The following MAP3K5 variants were observed in gnomAD, a reference collection of about 807,000 sequenced individuals.
MAP3K5 encodes the protein mitogen-activated protein kinase kinase kinase 5.
In MAP3K5, 56 loss-of-function variants were observed where a neutral mutation model predicts 158.7. The observed-to-expected ratio is 0.35, with a 90% confidence interval of 0.28 to 0.44. The LOEUF is 0.44. MAP3K5 is among the 20% of genes least tolerant of loss of function. The pLI, the probability that MAP3K5 is intolerant of heterozygous loss-of-function variation, is 1.00. For missense variants in MAP3K5, 1,294 were observed against 1,674.8 expected (o/e 0.77, Z 3.97); for synonymous variants, 579 against 601.7 (o/e 0.96, Z 0.55).
intron 1 of MAP3K5, among the ~76,000 whole-genome samples, chr6:136,734,132 G>A (rs1359122802): frequency 6.6e-6 from 1 of 152,072 alleles, no homozygotes; most frequent in Non-Finnish European, 1.5e-5. Flanking sequence ...AAATAGAAAT[G>A]GGGGCTGGGT....
chr6:136,692,331 C>A (rs1323582528), intron 7 of MAP3K5, among the ~76,000 whole-genome samples: 1 of 152,088 alleles, frequency 6.6e-6, no homozygotes, highest in Non-Finnish European at 1.5e-5. Flanking sequence ...ATTGGTGGTT[C>A]ACCTTGTTCA....
chr6:136,712,299 C>T (rs539673478), intron 2 of MAP3K5, among the ~76,000 whole-genome samples: 5 of 151,634 alleles, frequency 3.3e-5, no homozygotes, highest in Admixed American at 2.6e-4. Flanking sequence ...TCTCCTACCT[C>T]AGCCTCCTAA....
Position 136,605,289 on chromosome 6 carries a change from G to A in MAP3K5, c.2599C>T (p.Leu867=), listed in dbSNP as rs757683281. ...GYGKAADIWS[L]GCTIIEMATG... ...GCCATTTCAATGATTGTACAGCCCA[G>A]AGACCAGATGTCTGCTGCTTTTCCG... The change falls in exon 19 of 30, where the codon CTG becomes TTG. Residue 867 remains leucine, a synonymous_variant. Transcript: ENST00000359015. 1.1e-5 allele frequency: 18 copies of A among 1,613,952 alleles called. No homozygotes were observed. In the East Asian group the frequency reaches 3.3e-4, roughly 30 times the overall value.
intron 5 of MAP3K5, 62 bp from the exon 6 acceptor site, chr6:136,696,119 G>A (rs948669379): frequency 1.5e-5 from 14 of 954,762 alleles, no homozygotes; most frequent in African/African-American, 3.3e-5. Flanking sequence ...TCACAATAAC[G>A]TGTCTTTTGA....
At position 136,573,930 on chromosome 6, in the gene MAP3K5, CTTTCTT is replaced by C. The variant is rs1470623893; in HGVS notation, c.3518-6062_3518-6057del. ...ACTAGACCAAGTTTCTTTTTCTTTT[CTTTCTT>C]TTTTTTTTTTTTGAGACAGAGTCTC... is the stretch of plus-strand genomic sequence containing the variant. On this transcript the variant is annotated intron_variant, in intron 25 of 29. Transcript: ENST00000359015. Among the ~76,000 whole-genome samples, 3 of 144,758 alleles carry C rather than the reference CTTTCTT, an allele frequency of 2.1e-5. No homozygotes were observed. The East Asian group carries it at 6.6e-4, about 32-fold the overall frequency. 95.0% of individuals were successfully genotyped at this position (144,758 alleles called of 152,430 possible).
chr6:136,723,063 T>A (rs565806599), intron 1 of MAP3K5, among the ~76,000 whole-genome samples: 1 of 152,200 alleles, frequency 6.6e-6, no homozygotes, highest in African/African-American at 2.4e-5. Context: ...TTCCTTGGAA[T>A]TTACTCTGAG....
In MAP3K5 at chr6:136,792,190, C is replaced by T. The variant is rs1452836308; in HGVS notation, c.-33G>A. 87 of 1,524,538 alleles carry T rather than the reference C, an allele frequency of 5.7e-5. No homozygotes were observed. The highest frequency in any genetic ancestry group is 7.5e-5 in the Non-Finnish European group (85 of 1,140,024). 94.4% of individuals were successfully genotyped at this position (1,524,538 alleles called of 1,614,324 possible). ...GGCCGGGCAGCAACGGCGGCGGCGT[C>T]CCCCGCCCAGCCGCACCGCCTGGCC... On this transcript the variant is annotated 5_prime_UTR_variant, in exon 1 of 30. Transcript: ENST00000359015. The surrounding 1 kb of genome is among the most constrained non-coding windows in gnomAD (Gnocchi z 5.7).
chr6:136,647,561 T>C (rs764114053), intron 11 of MAP3K5, among the ~76,000 whole-genome samples: 3 of 152,108 alleles, frequency 2.0e-5, no homozygotes, highest in Non-Finnish European at 4.4e-5. Context: ...AAATTCTTCT[T>C]CCTAGCTTAC....
chr6:136,734,233 A>G (rs1782354435), intron 1 of MAP3K5, among the ~76,000 whole-genome samples: 1 of 151,946 alleles, frequency 6.6e-6, no homozygotes, highest in Non-Finnish European at 1.5e-5. Context: ...AGCCTGGCCA[A>G]AATGGTGAAA....
intron 1 of MAP3K5, among the ~76,000 whole-genome samples, chr6:136,789,301 C>A (rs1248207404): frequency 6.6e-6 from 1 of 152,138 alleles, no homozygotes; most frequent in African/African-American, 2.4e-5. Context: ...CAGAGTGAGA[C>A]CTTGTCTCTA....
intron 11 of MAP3K5, among the ~76,000 whole-genome samples, chr6:136,646,755 A>C (rs1562576062): frequency 6.6e-6 from 1 of 152,258 alleles, no homozygotes; most frequent in Non-Finnish European, 1.5e-5. Flanking sequence ...GAGAACATGT[A>C]TGTGTATACT....
chr6:136,561,386 C>G, intron 28 of MAP3K5, 147 bp downstream of exon 28: 1 of 554,892 alleles, frequency 1.8e-6, no homozygotes, highest in Non-Finnish European at 3.3e-6. Context: ...CTGATTATCA[C>G]GTGCCTACCC....
rs957776146 is a variant in MAP3K5, at chr6:136,792,227, G to A, written c.-70C>T. 7 of 1,417,080 alleles carry A rather than the reference G, an allele frequency of 4.9e-6. No homozygotes were observed. In the African/African-American group the frequency reaches 6.1e-5, roughly 12 times the overall value. The allele number at this position is 1,417,080 out of a possible 1,614,324, so 87.8% of individuals were successfully genotyped here. On this transcript the variant is annotated 5_prime_UTR_variant, in exon 1 of 30. Coordinates refer to ENST00000359015, the MANE Select transcript of MAP3K5 (RefSeq NM_005923.4). The surrounding 1 kb of genome is among the most constrained non-coding windows in gnomAD (Gnocchi z 5.7). The stretch of plus-strand genomic sequence containing the variant: ...CGCACCGCCTGGCCAGCCACAGCTC[G>A]GGGCTGCTCCGCGCCCGCCGGGCTA...
chr6:136,749,980 A>C (rs1582637206), intron 1 of MAP3K5, among the ~76,000 whole-genome samples: 2 of 152,294 alleles, frequency 1.3e-5, no homozygotes, highest in Middle Eastern at 6.8e-3. Context: ...ACAACCAGTC[A>C]TTATCCAAAT....
intron 18 of MAP3K5, among the ~76,000 whole-genome samples, chr6:136,606,657 A>G (rs889050104): frequency 3.7e-4 from 57 of 152,234 alleles, no homozygotes; most frequent in African/African-American, 1.3e-3. Context: ...TACAAATAAT[A>G]TAGTCAGCAA....
At chr6:136,680,205 A>C (rs1471740326) in intron 7 of MAP3K5, among the ~76,000 whole-genome samples, 1 of 152,198 alleles carries the variant, frequency 6.6e-6, no homozygotes, top group Non-Finnish European at 1.5e-5. Flanking sequence ...ACTGTTGTCT[A>C]ACAGATACAG....
intron 1 of MAP3K5, among the ~76,000 whole-genome samples, chr6:136,755,330 A>G (rs9389436): frequency 0.36 from 54,854 of 151,288 alleles, 12,002 homozygotes; most frequent in Middle Eastern, 0.5. Context: ...AATGCTCCTC[A>G]CTCTTCACCT....
chr6:136,598,208 C>T (rs1331930692), intron 21 of MAP3K5, among the ~76,000 whole-genome samples: 2 of 152,234 alleles, frequency 1.3e-5, no homozygotes, highest in Admixed American at 1.3e-4. Context: ...AAGTTTCACA[C>T]ATCCTGGCAT....
intron 21 of MAP3K5, among the ~76,000 whole-genome samples, chr6:136,595,361 T>A (rs1268915094): frequency 6.6e-6 from 1 of 152,188 alleles, no homozygotes; most frequent in African/African-American, 2.4e-5. Context: ...TGCTTCGGCC[T>A]CCCAAAGTTC....
Sources: gnomAD v4.1 joint callset for allele counts (sites outside exome capture counted in the v4.1 genomes callset) on GRCh38, gnomAD v4.1.1 for gene constraint, Gnocchi (gnomAD v3.1) non-coding constraint, MANE v1.5 for transcripts, NCBI Gene and HGNC (gene_info 2026-07-23, HGNC 2026-07-21) for gene names.